Variants in RBM20 observed in about 807,000 individuals in gnomAD.
RBM20 encodes RNA binding motif protein 20.
A neutral mutation model predicts 110.1 loss-of-function variants in RBM20; 51 were observed. That is an observed-to-expected ratio of 0.46 (90% confidence interval 0.37 to 0.59). RBM20 has a LOEUF of 0.59. Ranked by LOEUF, RBM20 falls within the 20% of genes least tolerant of loss-of-function variation. RBM20 has a pLI of 0.00. For missense variants in RBM20, 1,512 were observed against 1,574.9 expected, an observed-to-expected ratio of 0.96 and a Z score of 0.68; for synonymous variants, 589 against 618.2, an observed-to-expected ratio of 0.95 and a Z score of 0.70.
chr10:110,794,493 T>C (rs1425422872), intron 5 of RBM20, among the ~76,000 whole-genome samples: 2 of 152,260 alleles, frequency 1.3e-5, no homozygotes, highest in Non-Finnish European at 2.9e-5. Flanking sequence ...TCTGCTGAAG[T>C]AAATGGTTTA....
intron 1 of RBM20, among the ~76,000 whole-genome samples, chr10:110,657,319 C>CTT (rs879574722): frequency 7.1e-6 from 1 of 141,170 alleles, no homozygotes. Flanking sequence ...CCGGCCTGTT[C>CTT]TTTTTTTTTT....
intron 1 of RBM20, among the ~76,000 whole-genome samples, chr10:110,711,749 A>G (rs1366495058): frequency 2.0e-5 from 3 of 152,228 alleles, no homozygotes; most frequent in African/African-American, 4.8e-5. Context: ...TTATTCATGC[A>G]TTTATCCCAC....
At position 110,784,417 on chromosome 10, in the gene RBM20, C is replaced by A. The variant is rs1844394817; in HGVS notation, c.1414C>A (p.Pro472Thr). The change falls in exon 4 of 14, where the codon CCT becomes ACT. Residue 472 changes from proline to threonine, a missense_variant. Around this residue, in one of 3 missense-constraint regions of RBM20, gnomAD observed 1,149 missense variants for 1,169.4 expected, o/e 0.98. Transcript: ENST00000369519. ...TCCCAACAGCACAGCTGTTTATAAC[C>A]CTGCTGGGAATGAAGGTGAGCAAGG... ...ASPNSTAVYNPAGNEDYASNL... is the reference protein window; with the variant it reads ...ASPNSTAVYNTAGNEDYASNL... 1.3e-6 allele frequency: 2 copies of A among 1,551,178 alleles called. No homozygotes were observed. Among genetic ancestry groups the A allele is most frequent in the South Asian group, 1.2e-5 (1 of 84,018 alleles).
chr10:110,698,674 T>A (rs1273463547), intron 1 of RBM20, among the ~76,000 whole-genome samples: 1 of 152,216 alleles, frequency 6.6e-6, no homozygotes, highest in African/African-American at 2.4e-5. Flanking sequence ...TTCCTTCAGC[T>A]TTATGCCATG....
intron 1 of RBM20, among the ~76,000 whole-genome samples, chr10:110,655,381 C>T (rs1862007485): frequency 6.8e-6 from 1 of 147,512 alleles, no homozygotes; most frequent in Non-Finnish European, 1.5e-5. Context: ...ATTTGATTCA[C>T]TGTCTTACTC....
chr10:110,746,218 T>C (rs1281104987), intron 1 of RBM20, among the ~76,000 whole-genome samples: 1 of 152,128 alleles, frequency 6.6e-6, no homozygotes, highest in Non-Finnish European at 1.5e-5. Context: ...AGGGGCAAAC[T>C]CTGAGGCCAA....
intron 1 of RBM20, among the ~76,000 whole-genome samples, chr10:110,751,382 T>A (rs1363341791): frequency 1.3e-5 from 2 of 152,190 alleles, no homozygotes; most frequent in African/African-American, 4.8e-5. Flanking sequence ...AGCCCCTAAT[T>A]CTGTGATGAC....
intron 1 of RBM20, among the ~76,000 whole-genome samples, chr10:110,744,689 C>T (rs1463428820): frequency 6.6e-6 from 1 of 152,112 alleles, no homozygotes; most frequent in Non-Finnish European, 1.5e-5. Flanking sequence ...AGAGCCAGTC[C>T]CTATTTCATT....
intron 1 of RBM20, among the ~76,000 whole-genome samples, chr10:110,731,950 T>C (rs1212216451): frequency 6.6e-6 from 1 of 152,238 alleles, no homozygotes; most frequent in Non-Finnish European, 1.5e-5. Flanking sequence ...AATCTCACAT[T>C]CATGGACCTT....
chr10:110,822,046 C>T (rs527303013), intron 11 of RBM20, 111 bp downstream of exon 11: 57 of 1,068,530 alleles, frequency 5.3e-5, no homozygotes, highest in Admixed American at 8.3e-5. Flanking sequence ...TTTCAACTAG[C>T]ATTAAAGTGG....
chr10:110,794,805 C>T (rs1251072318), intron 5 of RBM20, among the ~76,000 whole-genome samples: 8 of 152,212 alleles, frequency 5.3e-5, no homozygotes, highest in South Asian at 2.1e-4. Flanking sequence ...CCTTTGGTAA[C>T]GACATCTTCA....
chr10:110,791,982 T>C lies in RBM20; in HGVS notation c.1528-5526T>C, dbSNP rs78538489. ...CCCTTCTCCCCTACAGTATGTCTTT[T>C]AAAATTTATTTTTGGTAACTTTTAA... On this transcript the variant is annotated intron_variant, in intron 5 of 13. Transcript: ENST00000369519. Among the ~76,000 whole-genome samples the C allele has an allele frequency of 5.9e-5, 9 of 152,350 alleles. No individual in the cohort carries two copies. In the East Asian group the frequency reaches 1.7e-3, roughly 29 times the overall value.
intron 1 of RBM20, among the ~76,000 whole-genome samples, chr10:110,677,202 C>G (rs1463427739): frequency 6.6e-6 from 1 of 152,182 alleles, no homozygotes. Flanking sequence ...ATAAAGCCAC[C>G]AGTCCCACTC....
intron 1 of RBM20, among the ~76,000 whole-genome samples, chr10:110,721,711 T>A (rs751381599): frequency 6.6e-6 from 1 of 152,166 alleles, no homozygotes; most frequent in Non-Finnish European, 1.5e-5. Context: ...TCATGGAACA[T>A]CTTAATGTAG....
At chr10:110,794,921 T>C (rs1844530913) in intron 5 of RBM20, among the ~76,000 whole-genome samples, 1 of 152,204 alleles carries the variant, frequency 6.6e-6, no homozygotes, top group Non-Finnish European at 1.5e-5. Context: ...CCTCTTGAGT[T>C]GTCCTTTCAG....
At chr10:110,729,924 G>T (rs941320191) in intron 1 of RBM20, among the ~76,000 whole-genome samples, 4 of 152,080 alleles carry the variant, frequency 2.6e-5, no homozygotes, top group Non-Finnish European at 5.9e-5. Flanking sequence ...CAAGTGATTC[G>T]CCTGCCTCAG....
rs142233223 is a variant in RBM20, at chr10:110,678,662, T to G, written c.191+34017T>G. On this transcript the variant is annotated intron_variant, in intron 1 of 13. Coordinates refer to ENST00000369519, the MANE Select transcript of RBM20 (RefSeq NM_001134363.3). ...CTTCTCTGAGACTTGGAGATTTGGT[T>G]TCCACATCTGGAATATAAAGGTGTT... Among the ~76,000 whole-genome samples the G allele has an allele frequency of 9.5e-4, 144 of 152,348 alleles. 1 individual carries two copies. The highest frequency in any genetic ancestry group is 1.7e-3 in the Non-Finnish European group (115 of 68,030).
At chr10:110,740,821 C>T (rs943007947) in intron 1 of RBM20, among the ~76,000 whole-genome samples, 1 of 152,060 alleles carries the variant, frequency 6.6e-6, no homozygotes, top group Non-Finnish European at 1.5e-5. Context: ...GATGCATGGA[C>T]GTCCATGTTA....
intron 1 of RBM20, among the ~76,000 whole-genome samples, chr10:110,727,671 ATG>A (rs2134945019): frequency 6.6e-6 from 1 of 152,286 alleles, no homozygotes; most frequent in South Asian, 2.1e-4. Context: ...TCTGGGATAC[ATG>A]TGCTGAACGT....
Sources: gnomAD v4.1 joint callset for allele counts (sites outside exome capture counted in the v4.1 genomes callset) on GRCh38, gnomAD v4.1.1 for gene constraint, gnomAD v4.1.1 regional missense constraint, MANE v1.5 for transcripts, NCBI Gene and HGNC (gene_info 2026-07-23, HGNC 2026-07-21) for gene names.